The following SMIM13 variants were observed in gnomAD, a reference collection of about 807,000 sequenced individuals.
SMIM13 encodes the protein UPF0766 protein C6orf228.
In SMIM13, 3 loss-of-function variants were observed where a neutral mutation model predicts 5.9. The observed-to-expected ratio is 0.51, with a 90% CI of 0.23 to 1.31. The LOEUF is 1.31. SMIM13 is among the 40% of genes most tolerant of loss of function. The probability of loss-of-function intolerance (pLI) is 0.18; values close to 1 mark genes in which losing one functional copy is unlikely to be tolerated. For synonymous variants in SMIM13, 55 were observed against 46.0 expected (o/e 1.19, Z -0.79); for missense variants, 85 against 109.9 (o/e 0.77, Z 1.01).
At chr6:11,132,686 G>A (rs547233618) in intron 1 of SMIM13, among the ~76,000 whole-genome samples, 9 of 152,270 alleles carry the variant, frequency 5.9e-5, no homozygotes, top group East Asian at 1.9e-4. Flanking sequence ...GCCACGTATT[G>A]TATGATTCCA....
intron 1 of SMIM13, among the ~76,000 whole-genome samples, chr6:11,102,248 G>A (rs1758004347): frequency 6.6e-6 from 1 of 152,098 alleles, no homozygotes; most frequent in Non-Finnish European, 1.5e-5. Context: ...AGTACAGGTG[G>A]ATATATATGA....
intron 1 of SMIM13, among the ~76,000 whole-genome samples, chr6:11,098,704 A>T (rs1757955521): frequency 1.3e-5 from 2 of 152,172 alleles, no homozygotes; most frequent in South Asian, 4.1e-4. Flanking sequence ...GGGTGCTGGG[A>T]CTACAGGCAT....
intron 1 of SMIM13, among the ~76,000 whole-genome samples, chr6:11,095,703 C>T (rs1757915061): frequency 6.6e-6 from 1 of 152,170 alleles, no homozygotes; most frequent in South Asian, 2.1e-4. Flanking sequence ...CAGGTTAAAG[C>T]TTCTAATTTA....
Position 11,138,139 on chromosome 6 carries a change from A to G in SMIM13, c.*3537A>G, listed in dbSNP as rs992275822. Reference sequence around the variant, plus strand: ...AACGTAAGATGTAACTGATATAACTAGATTTTGACTGGTAAACTTAAAGTG... The same window carrying G: ...AACGTAAGATGTAACTGATATAACTGGATTTTGACTGGTAAACTTAAAGTG... On this transcript the variant is annotated 3_prime_UTR_variant, in exon 2 of 2. Transcript: ENST00000416247. The G allele has an allele frequency of 6.6e-6, 1 of 152,192 alleles. No homozygotes were observed. The highest frequency in any genetic ancestry group is 1.5e-5 in the Non-Finnish European group (1 of 68,020). The allele number at this position is 152,192 out of a possible 1,614,324, so 9.4% of individuals were successfully genotyped here. A position where few individuals can be genotyped will look rare whatever the true frequency, so the allele number is the denominator to read the frequency against.
chr6:11,116,843 T>C (rs1758245533), intron 1 of SMIM13, among the ~76,000 whole-genome samples: 2 of 152,192 alleles, frequency 1.3e-5, no homozygotes, highest in Admixed American at 6.5e-5. Context: ...GGTTTATGCG[T>C]ATATCTATAT....
intron 1 of SMIM13, among the ~76,000 whole-genome samples, chr6:11,109,005 A>G (rs1758131109): frequency 6.6e-6 from 1 of 152,172 alleles, no homozygotes; most frequent in Admixed American, 6.5e-5. Context: ...ATAGAGGAAC[A>G]TGTGGGTCCT....
chr6:11,113,792 G>A (rs568541204), intron 1 of SMIM13, among the ~76,000 whole-genome samples: 3 of 152,004 alleles, frequency 2.0e-5, no homozygotes, highest in African/African-American at 7.2e-5. Flanking sequence ...GGCCAGGCTG[G>A]TTTCGAACTC....
chr6:11,105,285 ATG>A, intron 1 of SMIM13: 1 of 1,613,910 alleles, frequency 6.2e-7, no homozygotes, highest in Non-Finnish European at 8.5e-7. Flanking sequence ...AGGCGTGAGA[ATG>A]AGAACCAGCA....
At position 11,136,709 on chromosome 6, in the gene SMIM13, G is replaced by A. The variant is rs1581923988; in HGVS notation, c.*2107G>A. On this transcript the variant is annotated 3_prime_UTR_variant, in exon 2 of 2. Transcript: ENST00000416247. ...AGTCTCTGTCTTCATTTCTTTATTA[G>A]ATACAATTTTCTATTTTTATGTGAC... 1.3e-5 allele frequency: 2 copies of A among 152,048 alleles called. No homozygotes were observed. The highest frequency in any genetic ancestry group is 1.3e-4 in the Admixed American group (2 of 15,252). 9.4% of individuals were successfully genotyped at this position (152,048 alleles called of 1,614,324 possible).
intron 1 of SMIM13, among the ~76,000 whole-genome samples, chr6:11,116,922 G>A (rs1339311716): frequency 6.7e-6 from 1 of 149,786 alleles, no homozygotes; most frequent in Non-Finnish European, 1.5e-5. Context: ...GGAAATCTTG[G>A]GTTATTGATT....
chr6:11,104,620 C>A (rs1030437044), intron 1 of SMIM13: 2 of 1,614,126 alleles, frequency 1.2e-6, no homozygotes, highest in Non-Finnish European at 1.7e-6. Context: ...CGAGTTTGGT[C>A]CAATAGAACC....
At chr6:11,103,918 G>A (rs777849179) in intron 1 of SMIM13, 9 of 1,551,520 alleles carry the variant, frequency 5.8e-6, no homozygotes, top group African/African-American at 2.7e-5. Context: ...TGAGTGGCTC[G>A]TTCCCGTAAA....
At chr6:11,113,384 A>T (rs1209813171) in intron 1 of SMIM13, among the ~76,000 whole-genome samples, 2 of 152,174 alleles carry the variant, frequency 1.3e-5, no homozygotes, top group Non-Finnish European at 2.9e-5. Context: ...TATTTTCAGC[A>T]TCTTTTATGT....
intron 1 of SMIM13, among the ~76,000 whole-genome samples, chr6:11,132,273 G>A (rs79203556): frequency 0.012 from 1,855 of 152,258 alleles, 37 homozygotes; most frequent in African/African-American, 0.041. Flanking sequence ...ACAATAAAAA[G>A]TGTTGGCGAG....
At chr6:11,108,264 G>A (rs1402107949) in intron 1 of SMIM13, among the ~76,000 whole-genome samples, 1 of 152,202 alleles carries the variant, frequency 6.6e-6, no homozygotes, top group Non-Finnish European at 1.5e-5. Context: ...GGTAAGCATT[G>A]AGCAGGCAGC....
chr6:11,103,715 AT>A, intron 1 of SMIM13: 1 of 1,551,278 alleles, frequency 6.4e-7, no homozygotes, highest in Non-Finnish European at 8.7e-7. Context: ...ACTCTTGAAT[AT>A]TGCGAGGATG....
At chr6:11,108,037 G>A (rs1758112848) in intron 1 of SMIM13, among the ~76,000 whole-genome samples, 1 of 152,162 alleles carries the variant, frequency 6.6e-6, no homozygotes. Flanking sequence ...GCATAAGATT[G>A]CATTTGAAAA....
chr6:11,096,095 C>T (rs1757918479), intron 1 of SMIM13, among the ~76,000 whole-genome samples: 1 of 152,206 alleles, frequency 6.6e-6, no homozygotes, highest in Non-Finnish European at 1.5e-5. Context: ...GTTTCAGAAA[C>T]ATTAAGGAAT....
intron 1 of SMIM13, among the ~76,000 whole-genome samples, chr6:11,100,517 A>G (rs1027432131): frequency 6.6e-6 from 1 of 152,154 alleles, no homozygotes. Context: ...CATTCTGCAG[A>G]AAGTTGTACT....
Sources: gnomAD v4.1 joint callset for allele counts (sites outside exome capture counted in the v4.1 genomes callset) on GRCh38, gnomAD v4.1.1 for gene constraint, MANE v1.5 for transcripts, NCBI Gene and HGNC (gene_info 2026-07-23, HGNC 2026-07-21) for gene names.